SLC26A3: variants seen among roughly 807,000 people sequenced by gnomAD.
SLC26A3 encodes the protein solute carrier family 26 member 3.
A neutral mutation model predicts 85.6 loss-of-function variants in SLC26A3; 64 were observed. The observed-to-expected ratio is 0.75, with a 90% CI of 0.61 to 0.92. The LOEUF (loss-of-function observed/expected upper bound fraction) is 0.92. SLC26A3 is among the 40% of genes least tolerant of loss of function. The probability of loss-of-function intolerance (pLI) is 0.00; values close to 1 mark genes in which losing one functional copy is unlikely to be tolerated. For missense variants in SLC26A3, 922 were observed against 927.3 expected, an observed-to-expected ratio of 0.99 and a Z score of 0.07; for synonymous variants, 349 against 336.0, an observed-to-expected ratio of 1.04 and a Z score of -0.42.
chr7:107,795,356 T>C (rs1381717213), intron 1 of SLC26A3, among the ~76,000 whole-genome samples: 1 of 152,228 alleles, frequency 6.6e-6, no homozygotes, highest in Non-Finnish European at 1.5e-5. Context: ...GTTATTATTT[T>C]GATTATTAGC....
chr7:107,770,699 C>T (rs1794014968), intron 18 of SLC26A3, among the ~76,000 whole-genome samples: 1 of 152,134 alleles, frequency 6.6e-6, no homozygotes, highest in Non-Finnish European at 1.5e-5. Context: ...ATTCCCAGCA[C>T]CCAGAACTGT....
intron 7 of SLC26A3, among the ~76,000 whole-genome samples, 175 bp from the exon 8 acceptor site, chr7:107,787,084 G>A (rs996707795): frequency 6.6e-6 from 1 of 152,216 alleles, no homozygotes; most frequent in Non-Finnish European, 1.5e-5. Context: ...CCAGGATTGA[G>A]AACCACAGCT....
chr7:107,765,473 G>C lies in SLC26A3; in HGVS notation c.*382C>G, dbSNP rs188158351. 5.6e-6 allele frequency: 1 copy of C among 178,610 alleles called. No individual in the cohort carries two copies. The highest frequency in any genetic ancestry group is 2.4e-5 in the African/African-American group (1 of 41,764). 11.1% of individuals were successfully genotyped at this position (178,610 alleles called of 1,614,324 possible). Reference sequence around the variant, plus strand: ...TTTAACAAAACAAGACACATCCACTGTACAACTGATTTTTTAATGGAAATA... The same window carrying C: ...TTTAACAAAACAAGACACATCCACTCTACAACTGATTTTTTAATGGAAATA... On this transcript the variant is annotated 3_prime_UTR_variant, in exon 21 of 21. Transcript: ENST00000340010.
At chr7:107,786,394 T>C (rs1436104197) in intron 8 of SLC26A3, among the ~76,000 whole-genome samples, 1 of 152,120 alleles carries the variant, frequency 6.6e-6, no homozygotes, top group Non-Finnish European at 1.5e-5. Flanking sequence ...ACTCCCGGGC[T>C]CAAGTGATCC....
Position 107,795,210 on chromosome 7 carries a change from G to A in SLC26A3, c.-88-613C>T, listed in dbSNP as rs192616588. On this transcript the variant is annotated intron_variant, in intron 1 of 20. Coordinates refer to ENST00000340010, the MANE Select transcript of SLC26A3 (RefSeq NM_000111.3). Reference sequence around the variant, plus strand: ...TTTTTAAAGGAATGATCCTGGGCAAGTTCCTTAACCTCTCTGAGCCTTGCC... The same window carrying A: ...TTTTTAAAGGAATGATCCTGGGCAAATTCCTTAACCTCTCTGAGCCTTGCC... Among the ~76,000 whole-genome samples, 3 of 152,278 alleles carry A rather than the reference G, an allele frequency of 2.0e-5. No individual in the cohort carries two copies. The East Asian group carries it at 5.8e-4, about 29-fold the overall frequency.
At chr7:107,791,597 A>G (rs1369058706) in intron 4 of SLC26A3, among the ~76,000 whole-genome samples, 1 of 151,746 alleles carries the variant, frequency 6.6e-6, no homozygotes, top group African/African-American at 2.4e-5. Context: ...GGGCCACAAG[A>G]GCAAAACTCC....
Position 107,786,907 on chromosome 7 carries a change from G to C in SLC26A3, c.891C>G (p.Thr297=), listed in dbSNP as rs367700437. 2 of 1,613,636 alleles carry C rather than the reference G, an allele frequency of 1.2e-6. No individual in the cohort carries two copies. Among genetic ancestry groups the C allele is most frequent in the Non-Finnish European group, 1.7e-6 (2 of 1,179,792 alleles). ...PVPIPIEFIM[T]VIAAGVSYGC... is the part of the protein sequence containing the mutation. ...CGTAGGATACACCTGCTGCAATCACGGTCTGCAAAGTTGCAAATGGCCCAA... is the reference window on the plus strand; with the variant it reads ...CGTAGGATACACCTGCTGCAATCACCGTCTGCAAAGTTGCAAATGGCCCAA... Residue 297 remains threonine (T), a splice_region_variant and synonymous_variant, in exon 8 of 21, where the codon ACC becomes ACG. Coordinates refer to ENST00000340010, the MANE Select transcript of SLC26A3 (RefSeq NM_000111.3).
At chr7:107,779,471 T>TA (rs1028232562) in intron 12 of SLC26A3, among the ~76,000 whole-genome samples, 197 bp downstream of exon 12, 1 of 152,162 alleles carries the variant, frequency 6.6e-6, no homozygotes, top group African/African-American at 2.4e-5. Context: ...AGTAGCCATT[T>TA]AAAAAAATTA....
rs1793940326 is a variant in SLC26A3 at position 107,767,828 on chromosome 7, C to T, written c.2143G>A (p.Asp715Asn). ...KSSIFFLTIH[D>N]AVLHILMKKD... ...TTCATCAAAATATGCAAAACAGCAT[C>T]ATGGATTGTTAAGAAAAATATTGAG... is the stretch of plus-strand genomic sequence containing the variant. The change falls in exon 19 of 21, where the codon GAT becomes AAT. Residue 715 changes from aspartate (D) to asparagine (N), a missense_variant. Transcript: ENST00000340010. The T allele has an allele frequency of 1.2e-5, 19 of 1,613,548 alleles. No individual in the cohort carries two copies. Among genetic ancestry groups the T allele is most frequent in the Admixed American group, 1.7e-5 (1 of 59,966 alleles).
At chr7:107,788,268 A>G (rs1200203019) in intron 6 of SLC26A3, among the ~76,000 whole-genome samples, 1 of 152,146 alleles carries the variant, frequency 6.6e-6, no homozygotes, top group African/African-American at 2.4e-5. Context: ...AAATTAAGTA[A>G]CACTTCTCCT....
chr7:107,777,572 A>T (rs1000276112), intron 13 of SLC26A3, among the ~76,000 whole-genome samples: 13 of 152,190 alleles, frequency 8.5e-5, no homozygotes, highest in Admixed American at 3.9e-4. Flanking sequence ...CCTGGGCGAC[A>T]AGAGCGAAAC....
At chr7:107,774,910 A>G in intron 15 of SLC26A3, 38 bp from the exon 16 acceptor site, 1 of 1,449,596 alleles carries the variant, frequency 6.9e-7, no homozygotes, top group Non-Finnish European at 9.7e-7. Flanking sequence ...AGTACTGAAT[A>G]TTCTGTTATT....
chr7:107,794,498 G>A lies in SLC26A3; in HGVS notation c.12C>T (p.Pro4=), dbSNP rs1253592376. Reference sequence around the variant, plus strand: ...TGGCCACAATATACTGATTCCCAAAGGGTTCAATCATTTTGATTTTTCTGT... The same window carrying A: ...TGGCCACAATATACTGATTCCCAAAAGGTTCAATCATTTTGATTTTTCTGT... MIE[P]FGNQYIVARP... The change falls in exon 2 of 21, where the codon CCC becomes CCT. Residue 4 remains proline, a synonymous_variant. Coordinates refer to ENST00000340010, the MANE Select transcript of SLC26A3 (RefSeq NM_000111.3). 6 of 1,613,826 alleles carry A rather than the reference G, an allele frequency of 3.7e-6. No homozygotes were observed. The highest frequency in any genetic ancestry group is 1.7e-6 in the Non-Finnish European group (2 of 1,179,910).
intron 1 of SLC26A3, among the ~76,000 whole-genome samples, chr7:107,801,358 CT>C (rs142923814): frequency 0.16 from 24,425 of 152,080 alleles, 2,290 homozygotes; most frequent in African/African-American, 0.25. Context: ...AGGGTCCTTG[CT>C]TTTGAGCATG....
At position 107,787,494 on chromosome 7, in the gene SLC26A3, A is replaced by C. The variant is rs1794317285; in HGVS notation, c.751T>G (p.Phe251Val). The stretch of plus-strand genomic sequence containing the variant: ...ATATTAGTCTTCTCTATTTGTGAGA[A>C]TACAGAGTATAGTACCTACAATTAT... Reference protein sequence around the residue: ...VSIFKVLYSVFSQIEKTNIAD... With the variant: ...VSIFKVLYSVVSQIEKTNIAD... The change falls in exon 7 of 21, where the codon TTC (phenylalanine) becomes GTC (valine). Residue 251 changes from phenylalanine (F) to valine (V), a missense_variant. Coordinates refer to ENST00000340010, the MANE Select transcript of SLC26A3 (RefSeq NM_000111.3). The C allele has an allele frequency of 6.2e-7, 1 of 1,613,616 alleles. No individual in the cohort carries two copies. Among genetic ancestry groups the C allele is most frequent in the Non-Finnish European group, 8.5e-7 (1 of 1,179,788 alleles).
intron 6 of SLC26A3, among the ~76,000 whole-genome samples, chr7:107,787,721 G>A (rs564485071): frequency 6.6e-6 from 1 of 152,322 alleles, no homozygotes. Context: ...TAGTGTAGGT[G>A]GCACACTAGT....
chr7:107,793,660 G>T, intron 3 of SLC26A3, 82 bp downstream of exon 3: 2 of 1,045,912 alleles, frequency 1.9e-6, no homozygotes, highest in Non-Finnish European at 2.9e-6. Flanking sequence ...ACAACCTAGT[G>T]AATATACGAA....
chr7:107,770,020 T>TTCTTTCTTTC, intron 18 of SLC26A3, among the ~76,000 whole-genome samples: 1 of 39,516 alleles, frequency 2.5e-5, no homozygotes, highest in Non-Finnish European at 4.5e-5. Context: ...CTTTCTTTCT[T>TTCTTTCTTTC]TCTTTCTTTC....
chr7:107,788,624 T>C (rs1360624828), intron 6 of SLC26A3, among the ~76,000 whole-genome samples: 1 of 152,074 alleles, frequency 6.6e-6, no homozygotes, highest in Non-Finnish European at 1.5e-5. Context: ...TTTTTTCCTT[T>C]TGGAAAGTAC....
Sources: gnomAD v4.1 joint callset for allele counts (sites outside exome capture counted in the v4.1 genomes callset) on GRCh38, gnomAD v4.1.1 for gene constraint, MANE v1.5 for transcripts, NCBI Gene and HGNC (gene_info 2026-07-23, HGNC 2026-07-21) for gene names.